The following STXBP4 variants were observed in gnomAD, a reference collection of about 807,000 sequenced individuals.
STXBP4 encodes the protein syntaxin binding protein 4.
In STXBP4, 55 loss-of-function variants were observed where a neutral mutation model predicts 76.1. The ratio of observed to expected loss-of-function variants is 0.72; its 90% confidence interval spans 0.58 to 0.91. The LOEUF is 0.91. STXBP4 is among the 40% of genes least tolerant of loss of function. STXBP4 has a pLI of 0.00. For synonymous variants in STXBP4, 201 were observed against 220.2 expected (o/e 0.91, Z 0.77); for missense variants, 618 against 636.9 (o/e 0.97, Z 0.32).
intron 12 of STXBP4, among the ~76,000 whole-genome samples, chr17:55,057,113 G>A (rs1250956644): frequency 2.0e-5 from 3 of 152,106 alleles, no homozygotes; most frequent in South Asian, 4.1e-4. Flanking sequence ...GTAGTTTGTA[G>A]TTTAACTCAT....
In STXBP4 at chr17:55,053,776, A is replaced by G. The variant is rs377522195; in HGVS notation, c.1011+6622A>G. Among the ~76,000 whole-genome samples the G allele has an allele frequency of 3.6e-4, 54 of 152,026 alleles. 1 individual carries two copies. The East Asian group carries it at 4.8e-3, about 14-fold the overall frequency. ...AGTTTATATGGCCAGATCTTTTTAC[A>G]TTTTAGCGTTTGCATCCTGAAAATG... On this transcript the variant is annotated intron_variant, in intron 12 of 17. Transcript: ENST00000376352.
intron 12 of STXBP4, among the ~76,000 whole-genome samples, chr17:55,068,036 A>G (rs2079074623): frequency 6.6e-6 from 1 of 152,148 alleles, no homozygotes; most frequent in South Asian, 2.1e-4. Context: ...AATATCTGCA[A>G]AGCATTTTGG....
intron 4 of STXBP4, among the ~76,000 whole-genome samples, chr17:54,997,383 C>T (rs1022123201): frequency 6.6e-6 from 1 of 151,884 alleles, no homozygotes; most frequent in African/African-American, 2.4e-5. Flanking sequence ...AGCTTCTATA[C>T]ATCAGTGTAC....
intron 4 of STXBP4, among the ~76,000 whole-genome samples, chr17:54,997,586 A>AT (rs1378803006): frequency 2.1e-5 from 3 of 140,782 alleles, no homozygotes; most frequent in East Asian, 2.8e-4. Context: ...AAATATATAT[A>AT]TATTTTATAT....
rs765034050 is a variant in STXBP4 at position 55,043,231 on chromosome 17, G to A, written c.856-5G>A. ...AACTTTTCTCTTATATTTTAATGTTGATAGCTTCTTCCTTGTGATTCTTCA... is the reference window on the plus strand; with the variant it reads ...AACTTTTCTCTTATATTTTAATGTTAATAGCTTCTTCCTTGTGATTCTTCA... On this transcript the variant is annotated splice_region_variant and splice_polypyrimidine_tract_variant and intron_variant, in intron 10 of 17. Coordinates refer to ENST00000376352, the MANE Select transcript of STXBP4 (RefSeq NM_178509.6). 1.1e-5 allele frequency: 16 copies of A among 1,465,620 alleles called. No homozygotes were observed. The highest frequency in any genetic ancestry group is 1.5e-5 in the Non-Finnish European group (16 of 1,101,590). The allele number at this position is 1,465,620 out of a possible 1,614,324, so 90.8% of individuals were successfully genotyped here.
At chr17:54,982,647 G>A (rs2077567001) in intron 1 of STXBP4, among the ~76,000 whole-genome samples, 1 of 151,420 alleles carries the variant, frequency 6.6e-6, no homozygotes, top group Non-Finnish European at 1.5e-5. Context: ...GTATGTGTAT[G>A]TAACATTACT....
At chr17:55,148,838 G>A (rs926741814) in intron 17 of STXBP4, among the ~76,000 whole-genome samples, 7 of 152,034 alleles carry the variant, frequency 4.6e-5, no homozygotes, top group African/African-American at 1.7e-4. Flanking sequence ...AGCTTATTTT[G>A]GCTTTTAGTG....
At position 54,999,780 on chromosome 17, in the gene STXBP4, A is replaced by C. The variant is rs201714381; in HGVS notation, c.436A>C (p.Ile146Leu). 1.4e-5 allele frequency: 22 copies of C among 1,613,672 alleles called. No individual in the cohort carries two copies. The highest frequency in any genetic ancestry group is 1.8e-5 in the Non-Finnish European group (21 of 1,179,762). The change falls in exon 6 of 18, where the codon ATA becomes CTA. Residue 146 changes from isoleucine to leucine, a missense_variant. Coordinates refer to ENST00000376352, the MANE Select transcript of STXBP4 (RefSeq NM_178509.6). ...AAGTCTTTTTTCTTCTCCTCCTGAA[A>C]TACTAATCCCAAAGACCTCATCCAC... ...TLSLFSSPPEILIPKTSSTPK... is the reference protein window; with the variant it reads ...TLSLFSSPPELLIPKTSSTPK...
intron 1 of STXBP4, among the ~76,000 whole-genome samples, chr17:54,983,972 T>C (rs2077587111): frequency 6.6e-6 from 1 of 152,204 alleles, no homozygotes. Context: ...CTTTCTTACT[T>C]CATGGTCATT....
intron 16 of STXBP4, among the ~76,000 whole-genome samples, chr17:55,128,316 A>G (rs1217112264): frequency 6.6e-6 from 1 of 150,428 alleles, no homozygotes; most frequent in Non-Finnish European, 1.5e-5. Flanking sequence ...TGGGCAGGTA[A>G]GGAGGGAGAG....
chr17:55,168,137 C>T lies in STXBP4; in HGVS notation c.*8226C>T, dbSNP rs1328718391. ...GGATTACTTCTCTGATAAAAGTACT[C>T]GATATAAGGGAAATTTGAAGGAAAT... On this transcript the variant is annotated 3_prime_UTR_variant, in exon 18 of 18. Coordinates refer to ENST00000376352, the MANE Select transcript of STXBP4 (RefSeq NM_178509.6). 4.0e-5 allele frequency: 6 copies of T among 150,620 alleles called. No homozygotes were observed. Among genetic ancestry groups the T allele is most frequent in the Admixed American group, 1.3e-4 (2 of 15,152 alleles). 9.3% of individuals were successfully genotyped at this position (150,620 alleles called of 1,614,324 possible).
intron 16 of STXBP4, among the ~76,000 whole-genome samples, chr17:55,119,006 A>G (rs952228122): frequency 1.7e-4 from 25 of 150,918 alleles, no homozygotes; most frequent in African/African-American, 5.8e-4. Context: ...TGCACAATGT[A>G]TAGGTTTGTT....
chr17:55,063,982 G>A (rs1394569317), intron 12 of STXBP4, among the ~76,000 whole-genome samples: 1 of 152,158 alleles, frequency 6.6e-6, no homozygotes, highest in Non-Finnish European at 1.5e-5. Context: ...TGATAAGGCA[G>A]TTAATACTAT....
chr17:55,183,808 A>G, the STXBP4 span, among the ~76,000 whole-genome samples: 104 of 152,356 alleles, frequency 6.8e-4, no homozygotes, highest in Non-Finnish European at 1.4e-3. Flanking sequence ...CTTCATAATA[A>G]AAAATGGTTT....
chr17:55,078,056 T>C lies in STXBP4; in HGVS notation c.1189-22T>C, dbSNP rs368124738. On this transcript the variant is annotated intron_variant, in intron 13 of 17. Coordinates refer to ENST00000376352, the MANE Select transcript of STXBP4 (RefSeq NM_178509.6). ...TAAAACTGAAGAAATGTGTAAATGC[T>C]CCTTTTGATATCTCTGTGCAGGAAA... The C allele has an allele frequency of 1.3e-4, 185 of 1,470,744 alleles. No homozygotes were observed. In the African/African-American group the frequency reaches 2.3e-3, roughly 18 times the overall value. 91.1% of individuals were successfully genotyped at this position (1,470,744 alleles called of 1,614,324 possible). A position where few individuals can be genotyped will look rare whatever the true frequency, so the allele number is the denominator to read the frequency against.
At chr17:55,119,648 T>C (rs2145085295) in intron 16 of STXBP4, among the ~76,000 whole-genome samples, 1 of 152,086 alleles carries the variant, frequency 6.6e-6, no homozygotes, top group Admixed American at 6.6e-5. Context: ...TATTTATGTG[T>C]TTTGATTTAA....
the STXBP4 span, among the ~76,000 whole-genome samples, chr17:55,205,495 G>A: frequency 2.0e-5 from 3 of 151,474 alleles, no homozygotes; most frequent in Non-Finnish European, 4.4e-5. Context: ...GTGTTAAAAG[G>A]TAAACATATA....
At position 55,172,759 on chromosome 17, in the gene STXBP4, T is replaced by C. The variant is rs1013697768; in HGVS notation, c.*12848T>C. ...TGAGTTATGTGACTTCCCTGAGTCA[T>C]GTTAGAGTAACTAACTCCTGATTTG... On this transcript the variant is annotated 3_prime_UTR_variant, in exon 18 of 18. Transcript: ENST00000376352. 2.6e-4 allele frequency: 39 copies of C among 152,304 alleles called. No homozygotes were observed. The highest frequency in any genetic ancestry group is 9.1e-4 in the Admixed American group (14 of 15,302). 9.4% of individuals were successfully genotyped at this position (152,304 alleles called of 1,614,324 possible).
At chr17:55,184,967 G>A in the STXBP4 span, among the ~76,000 whole-genome samples, 2 of 152,212 alleles carry the variant, frequency 1.3e-5, no homozygotes, top group East Asian at 1.9e-4. Flanking sequence ...GACCTCCTGG[G>A]CCCGAGCCAT....
Sources: gnomAD v4.1 joint callset for allele counts (sites outside exome capture counted in the v4.1 genomes callset) on GRCh38, gnomAD v4.1.1 for gene constraint, MANE v1.5 for transcripts, NCBI Gene and HGNC (gene_info 2026-07-23, HGNC 2026-07-21) for gene names.